MACF1: variants seen among roughly 807,000 people sequenced by gnomAD.
The protein encoded by MACF1 is microtubule actin crosslinking factor 1.
MACF1 carries 193 observed loss-of-function variants against 854.8 expected under a neutral mutation model. The observed-to-expected ratio is 0.23, with a 90% CI of 0.20 to 0.25. The LOEUF (loss-of-function observed/expected upper bound fraction) is 0.25. MACF1 is among the 10% of genes least tolerant of loss of function. MACF1 has a pLI of 1.00. For synonymous variants in MACF1, 3,185 were observed against 3,226.7 expected, an observed-to-expected ratio of 0.99 and a Z score of 0.44; for missense variants, 7,722 against 8,929.1, an observed-to-expected ratio of 0.86 and a Z score of 5.45.
At chr1:39,299,372 C>A in intron 21 of MACF1, 1 of 441,228 alleles carries the variant, frequency 2.3e-6, no homozygotes, top group Non-Finnish European at 4.5e-6. Context: ...CCTAAGAAAG[C>A]CCTCTTCTGG....
chr1:39,349,568 C>A lies in MACF1; in HGVS notation c.10906C>A (p.Gln3636Lys). 1.2e-6 allele frequency: 2 copies of A among 1,614,204 alleles called. No individual in the cohort carries two copies. Among genetic ancestry groups the A allele is most frequent in the Non-Finnish European group, 1.7e-6 (2 of 1,180,020 alleles). The part of the protein sequence containing the change: ...GQAERALAGH[Q>K]GRTTQQDLSA... The stretch of plus-strand genomic sequence containing the variant: ...GGCAGAAAGAGCACTGGCAGGCCAC[C>A]AAGGCAGAACCACCCAGCAGGATCT... Residue 3636 changes from glutamine to lysine, a missense_variant, in exon 42 of 101, where the codon CAA becomes AAA. By Grantham distance (53) the Gln-to-Lys change is moderately conservative (BLOSUM62 1). Coordinates refer to ENST00000564288, the MANE Select transcript of MACF1 (RefSeq NM_001394062.1).
At chr1:39,156,416 C>T (rs1007988071) in intron 2 of MACF1, among the ~76,000 whole-genome samples, 2 of 152,096 alleles carry the variant, frequency 1.3e-5, no homozygotes, top group African/African-American at 2.4e-5. Context: ...TCCAGAAGTT[C>T]GAGACCAGCC....
chr1:39,265,674 G>C lies in MACF1; in HGVS notation c.528+7646G>C, dbSNP rs141937863. Reference sequence around the variant, plus strand: ...AAAGTGAAAAACGGAATGGTTGTGTGAGTACTTGAAGTACAGTTTCTACTG... The same window carrying C: ...AAAGTGAAAAACGGAATGGTTGTGTCAGTACTTGAAGTACAGTTTCTACTG... On this transcript the variant is annotated intron_variant, in intron 6 of 100. Transcript: ENST00000564288. 2.9e-3 allele frequency among the ~76,000 whole-genome samples: 439 copies of C among 152,296 alleles called. 4 individuals are homozygous for C. The highest frequency in any genetic ancestry group is 2.6e-3 in the Non-Finnish European group (180 of 68,028).
intron 31 of MACF1, 74 bp from the exon 32 acceptor site, chr1:39,322,534 A>G (rs1471492985): frequency 7.8e-7 from 1 of 1,289,934 alleles, no homozygotes; most frequent in Admixed American, 1.7e-5. Flanking sequence ...AGCAATAAAA[A>G]GCTATGATTT....
intron 2 of MACF1, among the ~76,000 whole-genome samples, chr1:39,190,422 TGGAA>T (rs1644241138): frequency 9.6e-4 from 107 of 111,596 alleles, no homozygotes; most frequent in Admixed American, 1.5e-3. Flanking sequence ...TTTTTTTTGA[TGGAA>T]TCTTGCTTTG....
intron 58 of MACF1, chr1:39,414,364 A>G: frequency 1.2e-6 from 2 of 1,613,984 alleles, no homozygotes; most frequent in Non-Finnish European, 1.7e-6. Flanking sequence ...CTCCACTGGA[A>G]TGTGGATCAA....
At chr1:39,101,613 A>G (rs1253862935) in intron 2 of MACF1, among the ~76,000 whole-genome samples, 2 of 151,296 alleles carry the variant, frequency 1.3e-5, no homozygotes, top group Non-Finnish European at 2.9e-5. Context: ...TCACGAGGTC[A>G]GGAGATGGAG....
intron 15 of MACF1, among the ~76,000 whole-genome samples, chr1:39,289,678 A>G (rs1370904206): frequency 2.7e-5 from 2 of 73,766 alleles, no homozygotes; most frequent in Non-Finnish European, 5.6e-5. Context: ...ATTTTCTCCC[A>G]TTCTGTGGGT....
At chr1:39,229,219 A>ACTATAAAC (rs1430337355) in intron 1 of MACF1, among the ~76,000 whole-genome samples, 18 of 152,340 alleles carry the variant, frequency 1.2e-4, no homozygotes, top group Non-Finnish European at 2.9e-5. Context: ...TCTAAGGTCC[A>ACTATAAAC]TACCTTAGTG....
intron 74 of MACF1, 126 bp from the exon 75 acceptor site, chr1:39,441,826 C>T: frequency 1.4e-6 from 1 of 694,060 alleles, no homozygotes; most frequent in East Asian, 2.7e-5. Context: ...GTGCCCCTTA[C>T]CTGAAATCAC....
At chr1:39,318,430 G>A (rs746950504) in intron 29 of MACF1, 23 bp from the exon 30 acceptor site, 2 of 1,608,132 alleles carry the variant, frequency 1.2e-6, no homozygotes, top group South Asian at 2.2e-5. Flanking sequence ...GTATCTGATA[G>A]CAGTTTCCCT....
intron 65 of MACF1, among the ~76,000 whole-genome samples, 166 bp from the exon 66 acceptor site, chr1:39,430,536 C>G (rs779077924): frequency 1.2e-4 from 19 of 152,012 alleles, no homozygotes; most frequent in Non-Finnish European, 2.5e-4. Context: ...AGTCTAAAGT[C>G]AGGCTTCAGA....
intron 58 of MACF1, chr1:39,410,552 G>C: frequency 6.2e-7 from 1 of 1,613,990 alleles, no homozygotes; most frequent in South Asian, 1.1e-5. Flanking sequence ...CTGGATGAGA[G>C]GATAATATTT....
chr1:39,389,504 C>T (rs1465379213), intron 58 of MACF1, among the ~76,000 whole-genome samples: 1 of 151,538 alleles, frequency 6.6e-6, no homozygotes. Flanking sequence ...GGGTTACAGT[C>T]GCTCACCACC....
rs371649464 is a variant in MACF1 at position 39,322,726 on chromosome 1, G to C, written c.4137+11G>C. On this transcript the variant is annotated intron_variant, in intron 32 of 100. Transcript: ENST00000564288. ...GCCATCACTCAAGAGGTGAGAGGGT[G>C]GGGGAAGGAAATACACCACTGTCTT... 3 of 1,612,822 alleles carry C rather than the reference G, an allele frequency of 1.9e-6. No homozygotes were observed. The highest frequency in any genetic ancestry group is 2.5e-6 in the Non-Finnish European group (3 of 1,178,874).
intron 18 of MACF1, among the ~76,000 whole-genome samples, chr1:39,294,332 A>G (rs910060239): frequency 5.3e-5 from 8 of 152,212 alleles, no homozygotes; most frequent in Non-Finnish European, 1.5e-5. Context: ...CACACTCAGA[A>G]GATTTTTAAA....
intron 2 of MACF1, among the ~76,000 whole-genome samples, chr1:39,233,235 C>G (rs760996587): frequency 2.0e-5 from 3 of 152,038 alleles, no homozygotes; most frequent in African/African-American, 7.2e-5. Flanking sequence ...GGTTTCTCCA[C>G]GTTAGTCAGG....
intron 2 of MACF1, among the ~76,000 whole-genome samples, chr1:39,153,413 G>A (rs1270622272): frequency 6.6e-6 from 1 of 152,106 alleles, no homozygotes; most frequent in Non-Finnish European, 1.5e-5. Flanking sequence ...TGATCTCTTA[G>A]TATTACATAA....
At chr1:39,464,909 C>CAAA (rs5773660) in intron 94 of MACF1, 186 bp from the exon 95 acceptor site, 41 of 454,688 alleles carry the variant, frequency 9.0e-5, no homozygotes, top group African/African-American at 4.1e-4. Context: ...GCGAGACTCT[C>CAAA]AAAAAAAAAA....
Sources: gnomAD v4.1 joint callset for allele counts (sites outside exome capture counted in the v4.1 genomes callset) on GRCh38, gnomAD v4.1.1 for gene constraint, MANE v1.5 for transcripts, NCBI Gene and HGNC (gene_info 2026-07-23, HGNC 2026-07-21) for gene names.